Variants in ZNF148 observed in about 807,000 individuals in gnomAD.
The protein encoded by ZNF148 is zinc finger protein 148.
A neutral mutation model predicts 67.7 loss-of-function variants in ZNF148; 7 were observed. That is an observed-to-expected ratio of 0.10 (90% CI 0.06 to 0.19). ZNF148 has a LOEUF of 0.19. ZNF148 is among the 10% of genes least tolerant of loss of function. ZNF148 has a pLI of 1.00. For synonymous variants in ZNF148, 333 were observed against 330.7 expected (o/e 1.01, Z -0.08); for missense variants, 583 against 947.1 (o/e 0.62, Z 5.05).
intron 7 of ZNF148, among the ~76,000 whole-genome samples, chr3:125,262,803 A>G (rs1254061342): frequency 1.3e-5 from 2 of 152,240 alleles, no homozygotes; most frequent in Non-Finnish European, 2.9e-5. Flanking sequence ...GAACACTGAT[A>G]ATGGTTAAGC....
chr3:125,234,581 C>T (rs113533923), intron 7 of ZNF148, among the ~76,000 whole-genome samples: 3 of 152,136 alleles, frequency 2.0e-5, no homozygotes, highest in African/African-American at 7.2e-5. Flanking sequence ...CCAAGGAGAA[C>T]AGCAGTGCCA....
chr3:125,234,001 A>T, intron 8 of ZNF148, 62 bp from the exon 9 acceptor site: 1 of 1,513,994 alleles, frequency 6.6e-7, no homozygotes, highest in African/African-American at 1.4e-5. Context: ...GAAAAGAAAA[A>T]GTGAAACAAA....
chr3:125,324,033 G>C (rs1940910609), intron 2 of ZNF148, among the ~76,000 whole-genome samples: 1 of 151,388 alleles, frequency 6.6e-6, no homozygotes, highest in Non-Finnish European at 1.5e-5. Context: ...GGATATTCAA[G>C]GAAATTCAGA....
At chr3:125,245,230 C>T (rs1936542032) in intron 7 of ZNF148, among the ~76,000 whole-genome samples, 3 of 152,072 alleles carry the variant, frequency 2.0e-5, no homozygotes, top group African/African-American at 7.2e-5. Context: ...CCCCATAATC[C>T]CCATGTGTCA....
At chr3:125,334,893 C>T (rs112767417) in intron 1 of ZNF148, among the ~76,000 whole-genome samples, 7,990 of 152,202 alleles carry the variant, frequency 0.052, 308 homozygotes, top group Middle Eastern at 0.085. Context: ...TCCTTATTGT[C>T]GCAGAATCTC....
intron 1 of ZNF148, among the ~76,000 whole-genome samples, chr3:125,367,971 C>G (rs971984439): frequency 3.3e-5 from 5 of 152,114 alleles, no homozygotes; most frequent in Non-Finnish European, 7.4e-5. Context: ...AGCATTCAGA[C>G]AAAAATAGAT....
At chr3:125,258,171 C>T (rs1379792061) in intron 7 of ZNF148, among the ~76,000 whole-genome samples, 1 of 151,738 alleles carries the variant, frequency 6.6e-6, no homozygotes, top group African/African-American at 2.4e-5. Flanking sequence ...GCCTGTAATC[C>T]CAGAACTTTG....
In ZNF148 at chr3:125,272,785, T is replaced by C. The variant is rs936435010; in HGVS notation, c.667+4941A>G. On this transcript the variant is annotated intron_variant, in intron 7 of 8. Transcript: ENST00000360647. ...TTTTAGTATGAATTATTAACAGCTT[T>C]GCAGATAAAAAAAAATTGGTTTCTA... 9.2e-5 allele frequency among the ~76,000 whole-genome samples: 14 copies of C among 152,304 alleles called. No individual in the cohort carries two copies. The East Asian group carries it at 9.6e-4, about 10-fold the overall frequency.
intron 4 of ZNF148, among the ~76,000 whole-genome samples, chr3:125,305,558 T>C (rs1277480528): frequency 6.6e-6 from 1 of 152,046 alleles, no homozygotes; most frequent in Non-Finnish European, 1.5e-5. Flanking sequence ...ACACCTGTAA[T>C]CCCAGTACTT....
chr3:125,316,771 T>C (rs1940515905), intron 3 of ZNF148, among the ~76,000 whole-genome samples: 1 of 152,236 alleles, frequency 6.6e-6, no homozygotes, highest in South Asian at 2.1e-4. Context: ...ATGGGTAGTT[T>C]GCAAATATTT....
At position 125,239,041 on chromosome 3, in the gene ZNF148, G is replaced by A. The variant is rs60581919; in HGVS notation, c.668-4712C>T. On this transcript the variant is annotated intron_variant, in intron 7 of 8. Coordinates refer to ENST00000360647, the MANE Select transcript of ZNF148 (RefSeq NM_021964.3). ...ATGTGGAATGATTCTGCTTATATGC[G>A]GTATCTAGAACAGGAAAATTCAGAG... Among the ~76,000 whole-genome samples, 1,423 of 152,232 alleles carry A rather than the reference G, an allele frequency of 9.3e-3. 25 individuals are homozygous for A. The highest frequency in any genetic ancestry group is 0.03 in the African/African-American group (1,228 of 41,550).
Position 125,313,635 on chromosome 3 carries a change from G to A in ZNF148, c.6C>T (p.Asn2=). The change falls in exon 4 of 9, where the codon AAC becomes AAT. Residue 2 remains asparagine (N), a synonymous_variant. Coordinates refer to ENST00000360647, the MANE Select transcript of ZNF148 (RefSeq NM_021964.3). ...ACAATCCTTCCAGTTTGTCGTCAAT[G>A]TTCATGCTTAAGTATAACTGCCTAG... M[N]IDDKLEGLFL... is the part of the protein sequence containing the mutation. 1 of 1,611,148 alleles carries A rather than the reference G, an allele frequency of 6.2e-7. No individual in the cohort carries two copies. The highest frequency in any genetic ancestry group is 8.5e-7 in the Non-Finnish European group (1 of 1,177,472).
At chr3:125,334,796 C>T (rs1160254754) in intron 1 of ZNF148, among the ~76,000 whole-genome samples, 1 of 152,100 alleles carries the variant, frequency 6.6e-6, no homozygotes, top group East Asian at 1.9e-4. Context: ...TCAACGACCA[C>T]CTCCACCACC....
intron 4 of ZNF148, among the ~76,000 whole-genome samples, chr3:125,304,261 G>T (rs1299381030): frequency 6.6e-6 from 1 of 152,136 alleles, no homozygotes; most frequent in Non-Finnish European, 1.5e-5. Flanking sequence ...AGCTCAGCAT[G>T]AGGTGCTGGA....
At chr3:125,352,854 A>G (rs937717186) in intron 1 of ZNF148, among the ~76,000 whole-genome samples, 2 of 152,200 alleles carry the variant, frequency 1.3e-5, no homozygotes, top group African/African-American at 2.4e-5. Flanking sequence ...ACTCTACTCG[A>G]TAAGACTCAC....
chr3:125,315,619 C>A (rs1014876391), intron 3 of ZNF148, among the ~76,000 whole-genome samples: 1 of 143,528 alleles, frequency 7.0e-6, no homozygotes, highest in Non-Finnish European at 1.5e-5. Flanking sequence ...TGAGGCAGGA[C>A]AATCATTTGA....
intron 1 of ZNF148, among the ~76,000 whole-genome samples, chr3:125,355,910 A>G (rs1942324967): frequency 6.6e-6 from 1 of 152,220 alleles, no homozygotes; most frequent in Non-Finnish European, 1.5e-5. Context: ...TCCTCAATAA[A>G]GAGGTCCAAA....
intron 1 of ZNF148, among the ~76,000 whole-genome samples, chr3:125,342,651 G>C (rs1288119463): frequency 1.3e-5 from 2 of 151,162 alleles, no homozygotes; most frequent in Non-Finnish European, 2.9e-5. Context: ...AAAATTTGCT[G>C]AACATAAAGA....
chr3:125,309,796 A>G (rs1401155011), intron 4 of ZNF148, among the ~76,000 whole-genome samples: 1 of 152,232 alleles, frequency 6.6e-6, no homozygotes, highest in African/African-American at 2.4e-5. Context: ...TGTCAGTCCA[A>G]TAAAAATGCC....
Sources: gnomAD v4.1 joint callset for allele counts (sites outside exome capture counted in the v4.1 genomes callset) on GRCh38, gnomAD v4.1.1 for gene constraint, MANE v1.5 for transcripts, NCBI Gene and HGNC (gene_info 2026-07-23, HGNC 2026-07-21) for gene names.